The following ZNF431 variants were observed in gnomAD, a reference collection of about 807,000 sequenced individuals.
ZNF431 encodes the protein zinc finger protein 431.
Under a neutral mutation model 57.0 loss-of-function variants are expected in ZNF431, and 34 were observed. That is an observed-to-expected ratio of 0.60 (90% CI 0.45 to 0.79). ZNF431 has a LOEUF of 0.79. Among genes scored for constraint, ZNF431 ranks in the 30% least tolerant of loss-of-function variants. The pLI, the probability that ZNF431 is intolerant of heterozygous loss-of-function variation, is 0.00. For missense variants in ZNF431, 607 were observed against 667.1 expected (o/e 0.91, Z 0.99); for synonymous variants, 207 against 220.3 (o/e 0.94, Z 0.54).
At chr19:21,145,230 C>G (rs969210323) in intron 2 of ZNF431, among the ~76,000 whole-genome samples, 8 of 152,178 alleles carry the variant, frequency 5.3e-5, no homozygotes, top group Admixed American at 5.2e-4. Flanking sequence ...AATCCCAGCA[C>G]TTTGGGAGGC....
Position 21,185,104 on chromosome 19 carries a change from A to T in ZNF431, c.*1070A>T, listed in dbSNP as rs977991402. ...TTTCCAGATGCAGTAAAAGTAAAAT[A>T]TTTAATCCATAATTAAGTCTATGCA... On this transcript the variant is annotated 3_prime_UTR_variant, in exon 5 of 5. Transcript: ENST00000311048. 2.0e-5 allele frequency: 3 copies of T among 152,236 alleles called. No homozygotes were observed. Among genetic ancestry groups the T allele is most frequent in the Admixed American group, 2.0e-4 (3 of 15,276 alleles). The allele number at this position is 152,236 out of a possible 1,614,324, so 9.4% of individuals were successfully genotyped here. A position where few individuals can be genotyped will look rare whatever the true frequency, so the allele number is the denominator to read the frequency against.
In ZNF431 at chr19:21,190,629, T is replaced by G. The variant is rs1373313864; in HGVS notation, c.*6595T>G. The G allele has an allele frequency of 5.3e-5, 8 of 151,738 alleles. No homozygotes were observed. Among genetic ancestry groups the G allele is most frequent in the African/African-American group, 1.9e-4 (8 of 41,316 alleles). The allele number at this position is 151,738 out of a possible 1,614,324, so 9.4% of individuals were successfully genotyped here. A position where few individuals can be genotyped will look rare whatever the true frequency, so the allele number is the denominator to read the frequency against. ...TATCCGTTGGACATATGTATGACTT[T>G]TCTTGAAAAATATTTATTTCAGCTA... On this transcript the variant is annotated 3_prime_UTR_variant, in exon 5 of 5. Transcript: ENST00000311048.
chr19:21,171,307 T>C (rs1412904416), intron 4 of ZNF431, among the ~76,000 whole-genome samples: 1 of 152,204 alleles, frequency 6.6e-6, no homozygotes, highest in Non-Finnish European at 1.5e-5. Flanking sequence ...AATTCTTTTT[T>C]AATGGTACTT....
At chr19:21,172,191 G>A (rs1362634650) in intron 4 of ZNF431, among the ~76,000 whole-genome samples, 2 of 151,586 alleles carry the variant, frequency 1.3e-5, no homozygotes, top group East Asian at 3.9e-4. Flanking sequence ...CACTTTGGGA[G>A]GCAGAGGCAG....
At chr19:21,168,225 T>C (rs1970779764) in intron 4 of ZNF431, among the ~76,000 whole-genome samples, 1 of 152,204 alleles carries the variant, frequency 6.6e-6, no homozygotes, top group Admixed American at 6.5e-5. Flanking sequence ...CTATTTGAAA[T>C]TTATTACAAT....
At position 21,189,878 on chromosome 19, in the gene ZNF431, G is replaced by T; in HGVS notation, c.*5844G>T. The stretch of plus-strand genomic sequence containing the variant: ...TTTTTTTTTAAGGCCAGGAGTGGTG[G>T]CTCACACCTGTAATCCCAGCTCTGG... On this transcript the variant is annotated 3_prime_UTR_variant, in exon 5 of 5. Coordinates refer to ENST00000311048, the MANE Select transcript of ZNF431 (RefSeq NM_133473.4). The T allele has an allele frequency of 2.5e-6, 1 of 398,054 alleles. No homozygotes were observed. The highest frequency in any genetic ancestry group is 4.4e-6 in the Non-Finnish European group (1 of 226,016). The allele number at this position is 398,054 out of a possible 1,614,324, so 24.7% of individuals were successfully genotyped here. A position where few individuals can be genotyped will look rare whatever the true frequency, so the allele number is the denominator to read the frequency against.
intron 2 of ZNF431, among the ~76,000 whole-genome samples, chr19:21,150,724 A>G (rs1240712750): frequency 6.6e-6 from 1 of 152,228 alleles, no homozygotes; most frequent in Admixed American, 6.5e-5. Context: ...TGATCCAAAT[A>G]TGAAGAACTG....
intron 2 of ZNF431, among the ~76,000 whole-genome samples, chr19:21,144,254 G>C (rs1276774794): frequency 6.6e-6 from 1 of 151,556 alleles, no homozygotes; most frequent in African/African-American, 2.4e-5. Context: ...CCAGGCTGCA[G>C]AAGGATTGAT....
rs1372364946 is a variant in ZNF431 at position 21,190,158 on chromosome 19, G to A, written c.*6124G>A. 2 of 351,354 alleles carry A rather than the reference G, an allele frequency of 5.7e-6. No homozygotes were observed. Among genetic ancestry groups the A allele is most frequent in the African/African-American group, 2.1e-5 (1 of 47,552 alleles). The allele number at this position is 351,354 out of a possible 1,614,324, so 21.8% of individuals were successfully genotyped here. On this transcript the variant is annotated 3_prime_UTR_variant, in exon 5 of 5. Transcript: ENST00000311048. ...CACTCCATCCTGGGCAACAGAGTGAGACTCGGTCTCAAGAGGGAAAATAAG... is the reference window on the plus strand; with the variant it reads ...CACTCCATCCTGGGCAACAGAGTGAAACTCGGTCTCAAGAGGGAAAATAAG...
At chr19:21,142,363 A>C (rs774819474) in intron 1 of ZNF431, among the ~76,000 whole-genome samples, 177 bp downstream of exon 1, 4 of 152,200 alleles carry the variant, frequency 2.6e-5, no homozygotes, top group African/African-American at 4.8e-5. Flanking sequence ...CTGTGCTGAC[A>C]GTCGGGACCC....
intron 2 of ZNF431, among the ~76,000 whole-genome samples, chr19:21,165,554 G>A (rs1970698431): frequency 6.6e-6 from 1 of 152,178 alleles, no homozygotes; most frequent in Admixed American, 6.5e-5. Flanking sequence ...TTGTTCTAGT[G>A]TAGTTGATGT....
intron 4 of ZNF431, among the ~76,000 whole-genome samples, chr19:21,170,565 G>C (rs748552402): frequency 1.3e-5 from 2 of 151,944 alleles, no homozygotes; most frequent in Non-Finnish European, 2.9e-5. Flanking sequence ...ATTTAAGTTC[G>C]CTGCAGGTAA....
intron 3 of ZNF431, 138 bp downstream of exon 3, chr19:21,166,599 G>T: frequency 1.9e-6 from 2 of 1,072,174 alleles, no homozygotes; most frequent in Non-Finnish European, 2.6e-6. Flanking sequence ...TTGATGATTT[G>T]TCCGTGTGGA....
chr19:21,154,577 T>C (rs1308256136), intron 2 of ZNF431, among the ~76,000 whole-genome samples: 2 of 152,156 alleles, frequency 1.3e-5, no homozygotes, highest in East Asian at 3.9e-4. Flanking sequence ...TAGTTCTAGA[T>C]CCCTGAGGAA....
intron 2 of ZNF431, among the ~76,000 whole-genome samples, chr19:21,153,888 G>A (rs945419166): frequency 6.6e-6 from 1 of 152,068 alleles, no homozygotes; most frequent in African/African-American, 2.4e-5. Context: ...GTCTAATTTT[G>A]TATTTTTAGT....
intron 2 of ZNF431, among the ~76,000 whole-genome samples, chr19:21,163,416 G>A (rs981462595): frequency 2.0e-4 from 31 of 152,166 alleles, no homozygotes; most frequent in African/African-American, 7.2e-4. Flanking sequence ...ATGAACCCAG[G>A]GGTAGCAACA....
In ZNF431 at chr19:21,182,814, AC is replaced by A; in HGVS notation, c.514del (p.Gln172ArgfsTer11). The A allele has an allele frequency of 6.2e-7, 1 of 1,614,032 alleles. No homozygotes were observed. Among genetic ancestry groups the A allele is most frequent in the Non-Finnish European group, 8.5e-7 (1 of 1,179,936 alleles). On this transcript the variant is annotated frameshift_variant, in exon 5 of 5. Transcript: ENST00000311048. LOFTEE classifies it high-confidence loss of function. The stretch of plus-strand genomic sequence containing the variant: ...TGAGCTAAACCAGTGTTTGACAACT[AC>A]CCAGAGCAAAATATTTCCATGTGAT... The part of the protein sequence containing the change: ...YNELNQCLTT[T>X]QSKIFPCDKY...
rs1201580093 is a variant in ZNF431 at position 21,194,670 on chromosome 19, T to C, written c.*10636T>C. ...TTTTAGTAGAGATCGAGTTTTGCTGTGTTGGCCAGGCTGGTCTCAAACTCC... is the reference window on the plus strand; with the variant it reads ...TTTTAGTAGAGATCGAGTTTTGCTGCGTTGGCCAGGCTGGTCTCAAACTCC... On this transcript the variant is annotated 3_prime_UTR_variant, in exon 5 of 5. Transcript: ENST00000311048. 6.6e-6 allele frequency: 1 copy of C among 152,110 alleles called. No individual in the cohort carries two copies. The highest frequency in any genetic ancestry group is 6.6e-5 in the Admixed American group (1 of 15,254). 9.4% of individuals were successfully genotyped at this position (152,110 alleles called of 1,614,324 possible).
In ZNF431 at chr19:21,146,836, C is replaced by G. The variant is rs183276339; in HGVS notation, c.96+3193C>G. On this transcript the variant is annotated intron_variant, in intron 2 of 4. Transcript: ENST00000311048. ...AGTCTCAGTCCTATTTTACCCAGCC[C>G]CTATTCAAAATAGATGTGCTCTGGT... Among the ~76,000 whole-genome samples the G allele has an allele frequency of 6.5e-4, 99 of 152,270 alleles. 1 individual carries two copies. The highest frequency in any genetic ancestry group is 2.1e-3 in the African/African-American group (86 of 41,556).
Sources: gnomAD v4.1 joint callset for allele counts (sites outside exome capture counted in the v4.1 genomes callset) on GRCh38, gnomAD v4.1.1 for gene constraint, MANE v1.5 for transcripts, NCBI Gene and HGNC (gene_info 2026-07-23, HGNC 2026-07-21) for gene names.